OPCML: variants seen among roughly 807,000 people sequenced by gnomAD.
OPCML encodes opioid binding protein/cell adhesion molecule like.
OPCML carries 13 observed loss-of-function variants against 37.8 expected under a neutral mutation model. That is an observed-to-expected ratio of 0.34 (90% confidence interval 0.22 to 0.55). The LOEUF (loss-of-function observed/expected upper bound fraction) is 0.55. Among genes scored for constraint, OPCML ranks in the 20% least tolerant of loss-of-function variants. The pLI is 0.91. For synonymous variants in OPCML, 176 were observed against 168.8 expected, an observed-to-expected ratio of 1.04 and a Z score of -0.33; for missense variants, 341 against 435.6, an observed-to-expected ratio of 0.78 and a Z score of 1.93.
At chr11:132,892,288 A>C (rs976054242) in intron 2 of OPCML, among the ~76,000 whole-genome samples, 1 of 152,226 alleles carries the variant, frequency 6.6e-6, no homozygotes, top group African/African-American at 2.4e-5. Flanking sequence ...AGGAGACAGA[A>C]GAATCAATAA....
intron 1 of OPCML, among the ~76,000 whole-genome samples, chr11:133,145,591 C>A (rs1271809860): frequency 6.6e-6 from 1 of 152,226 alleles, no homozygotes; most frequent in Non-Finnish European, 1.5e-5. Flanking sequence ...TGAAGAGCCA[C>A]CCACAGCTTG....
intron 3 of OPCML, among the ~76,000 whole-genome samples, chr11:132,633,557 C>T (rs1468748528): frequency 3.9e-5 from 6 of 152,146 alleles, no homozygotes; most frequent in African/African-American, 1.4e-4. Context: ...GCGAGGAGGC[C>T]CCAGGCCCTG....
At chr11:133,001,329 C>T (rs1314177454) in intron 1 of OPCML, among the ~76,000 whole-genome samples, 1 of 152,128 alleles carries the variant, frequency 6.6e-6, no homozygotes, top group Non-Finnish European at 1.5e-5. Flanking sequence ...AATGCATGGC[C>T]CCTTCCTTCC....
intron 1 of OPCML, among the ~76,000 whole-genome samples, chr11:133,253,835 C>A (rs139507963): frequency 3.8e-4 from 22 of 57,842 alleles, no homozygotes; most frequent in African/African-American, 1.4e-3. Flanking sequence ...CTTCCATTCC[C>A]TTCCCTTCCC....
chr11:133,180,022 CTTAAA>C (rs948182502), intron 1 of OPCML, among the ~76,000 whole-genome samples: 3 of 152,114 alleles, frequency 2.0e-5, no homozygotes, highest in Non-Finnish European at 4.4e-5. Context: ...AACCATGGGC[CTTAAA>C]TATGGTCCCT....
intron 1 of OPCML, among the ~76,000 whole-genome samples, chr11:133,176,112 C>T (rs1395790731): frequency 6.6e-6 from 1 of 152,202 alleles, no homozygotes; most frequent in Non-Finnish European, 1.5e-5. Flanking sequence ...ATTCCATGTA[C>T]ACCCAGGCTG....
intron 2 of OPCML, among the ~76,000 whole-genome samples, chr11:132,845,632 C>T (rs186779777): frequency 7.2e-5 from 11 of 152,254 alleles, no homozygotes; most frequent in Non-Finnish European, 8.8e-5. Flanking sequence ...CCTGAATTCT[C>T]TCACTCTGTC....
At chr11:133,203,318 C>A (rs962305676) in intron 1 of OPCML, among the ~76,000 whole-genome samples, 9 of 152,352 alleles carry the variant, frequency 5.9e-5, no homozygotes, top group African/African-American at 1.9e-4. Flanking sequence ...AGAGTAGATT[C>A]TCTACAGATT....
chr11:132,916,464 G>C (rs772646057), intron 2 of OPCML, among the ~76,000 whole-genome samples: 45 of 152,178 alleles, frequency 3.0e-4, no homozygotes, highest in Non-Finnish European at 5.0e-4. Flanking sequence ...ATTCCCATTA[G>C]AGTTGTCAAG....
intron 1 of OPCML, among the ~76,000 whole-genome samples, chr11:133,084,354 G>C (rs1948787140): frequency 6.6e-6 from 1 of 152,112 alleles, no homozygotes; most frequent in Non-Finnish European, 1.5e-5. Flanking sequence ...TTTTAAGAAG[G>C]CTAATTAACA....
At chr11:132,896,609 G>C (rs1943857639) in intron 2 of OPCML, among the ~76,000 whole-genome samples, 1 of 152,208 alleles carries the variant, frequency 6.6e-6, no homozygotes, top group Non-Finnish European at 1.5e-5. Flanking sequence ...CACCCTCACT[G>C]TCTTACATCA....
intron 2 of OPCML, among the ~76,000 whole-genome samples, chr11:132,873,715 C>CAA (rs34642015): frequency 1.3e-4 from 15 of 111,234 alleles, no homozygotes; most frequent in Non-Finnish European, 2.5e-4. Flanking sequence ...CAGTTGGGCA[C>CAA]AAAAAAAAAA....
intron 1 of OPCML, among the ~76,000 whole-genome samples, chr11:133,332,677 A>G (rs1167280934): frequency 6.6e-6 from 1 of 152,174 alleles, no homozygotes; most frequent in African/African-American, 2.4e-5. Flanking sequence ...GTTAAAATAA[A>G]TGGGAAAAAG....
At chr11:132,592,052 C>G (rs1236508993) in intron 3 of OPCML, among the ~76,000 whole-genome samples, 1 of 152,112 alleles carries the variant, frequency 6.6e-6, no homozygotes, top group African/African-American at 2.4e-5. Flanking sequence ...AATGAGGCAG[C>G]AGAAATACAG....
At chr11:132,805,997 T>C (rs1484768071) in intron 2 of OPCML, among the ~76,000 whole-genome samples, 1 of 151,928 alleles carries the variant, frequency 6.6e-6, no homozygotes, top group East Asian at 1.9e-4. Flanking sequence ...CAGGTAAACA[T>C]AAAATAGACA....
At chr11:133,131,561 G>T (rs1949604174) in intron 1 of OPCML, among the ~76,000 whole-genome samples, 1 of 152,254 alleles carries the variant, frequency 6.6e-6, no homozygotes, top group Admixed American at 6.5e-5. Context: ...AATCATTGCT[G>T]GTGGAAATGT....
At position 133,505,162 on chromosome 11, in the gene OPCML, C is replaced by T. The variant is rs182660101; in HGVS notation, c.61+27102G>A. Among the ~76,000 whole-genome samples the T allele has an allele frequency of 3.9e-4, 59 of 152,326 alleles. No homozygotes were observed. In the South Asian group the frequency reaches 0.011, roughly 29 times the overall value. On this transcript the variant is annotated intron_variant, in intron 1 of 7. Coordinates refer to ENST00000524381, the MANE Select transcript of OPCML (RefSeq NM_001012393.5). The stretch of plus-strand genomic sequence containing the variant: ...AATTCCCTCTCTAGGAAAATAGGAA[C>T]GTAACACCATCTTTTTCAAGTATCT...
rs186371068 is a variant in OPCML, at chr11:133,211,897, G to T, written c.62-268887C>A. 6.6e-6 allele frequency among the ~76,000 whole-genome samples: 1 copy of T among 152,170 alleles called. No individual in the cohort carries two copies. The highest frequency in any genetic ancestry group is 2.4e-5 in the African/African-American group (1 of 41,434). ...TTAAAGAATGCAAAGTTGAAGCCAA[G>T]ACTGTCTGCTTCTAAGACCTGCAGT... On this transcript the variant is annotated intron_variant, in intron 1 of 7. Coordinates refer to ENST00000524381, the MANE Select transcript of OPCML (RefSeq NM_001012393.5). The surrounding 1 kb of genome is among the most constrained non-coding windows in gnomAD (Gnocchi z 4.1).
Position 133,215,125 on chromosome 11 carries a change from C to T in OPCML, c.62-272115G>A, listed in dbSNP as rs576689089. Among the ~76,000 whole-genome samples the T allele has an allele frequency of 2.3e-4, 35 of 152,200 alleles. No homozygotes were observed. In the South Asian group the frequency reaches 7.3e-3, roughly 32 times the overall value. On this transcript the variant is annotated intron_variant, in intron 1 of 7. Coordinates refer to ENST00000524381, the MANE Select transcript of OPCML (RefSeq NM_001012393.5). ...TGGCAAAGGCTTAAGCAGCTGTAAA[C>T]CAGGGAACTGGACGTCCTTCCTTCC...
Sources: gnomAD v4.1 joint callset for allele counts (sites outside exome capture counted in the v4.1 genomes callset) on GRCh38, gnomAD v4.1.1 for gene constraint, Gnocchi (gnomAD v3.1) non-coding constraint, MANE v1.5 for transcripts, NCBI Gene and HGNC (gene_info 2026-07-23, HGNC 2026-07-21) for gene names.